FAM168A: variants seen among roughly 807,000 people sequenced by gnomAD.
FAM168A encodes the protein protein FAM168A.
A neutral mutation model predicts 28.5 loss-of-function variants in FAM168A; 3 were observed. The ratio of observed to expected loss-of-function variants is 0.11; its 90% CI spans 0.05 to 0.27. The LOEUF (loss-of-function observed/expected upper bound fraction) is 0.27, where lower values mean the gene tolerates loss of function less well. Ranked by LOEUF, FAM168A falls within the 10% of genes least tolerant of loss-of-function variation. FAM168A has a pLI of 1.00. For synonymous variants in FAM168A, 122 were observed against 124.2 expected, an observed-to-expected ratio of 0.98 and a Z score of 0.12; for missense variants, 222 against 311.5, an observed-to-expected ratio of 0.71 and a Z score of 2.16.
At chr11:73,470,653 C>T (rs1225149376) in intron 1 of FAM168A, among the ~76,000 whole-genome samples, 2 of 152,150 alleles carry the variant, frequency 1.3e-5, no homozygotes, top group Non-Finnish European at 2.9e-5. Flanking sequence ...CATGGGATGA[C>T]ACAGCAAGAA....
intron 1 of FAM168A, among the ~76,000 whole-genome samples, chr11:73,584,298 G>A (rs1008899140): frequency 1.1e-4 from 17 of 151,408 alleles, no homozygotes; most frequent in Admixed American, 8.5e-4. Context: ...TCAGCCTCCC[G>A]AGTAGCTGGG....
chr11:73,481,800 T>C (rs530707794), intron 1 of FAM168A, among the ~76,000 whole-genome samples: 2 of 152,332 alleles, frequency 1.3e-5, no homozygotes, highest in African/African-American at 4.8e-5. Flanking sequence ...CCAAAATTTA[T>C]GTGTTGGAAA....
intron 1 of FAM168A, among the ~76,000 whole-genome samples, chr11:73,566,154 C>T (rs570186835): frequency 1.3e-5 from 2 of 152,270 alleles, no homozygotes; most frequent in East Asian, 1.9e-4. Flanking sequence ...AATAAGTGAG[C>T]TTCAGTGATC....
intron 2 of FAM168A, among the ~76,000 whole-genome samples, chr11:73,432,025 C>A (rs1490230728): frequency 1.3e-5 from 2 of 152,166 alleles, no homozygotes; most frequent in Non-Finnish European, 2.9e-5. Flanking sequence ...GAATCATACA[C>A]CATTTGTCCT....
At chr11:73,476,872 G>A (rs935334093) in intron 1 of FAM168A, among the ~76,000 whole-genome samples, 4 of 151,916 alleles carry the variant, frequency 2.6e-5, no homozygotes, top group African/African-American at 9.7e-5. Context: ...TGAAGACAGA[G>A]CAATAGAAGT....
At chr11:73,458,765 C>A (rs1048898312) in intron 2 of FAM168A, among the ~76,000 whole-genome samples, 5 of 152,118 alleles carry the variant, frequency 3.3e-5, no homozygotes, top group Admixed American at 2.6e-4. Flanking sequence ...TGCCTGCTAC[C>A]ACGCCCGGCT....
chr11:73,447,151 G>A (rs1867332150), intron 2 of FAM168A, among the ~76,000 whole-genome samples: 1 of 152,116 alleles, frequency 6.6e-6, no homozygotes, highest in African/African-American at 2.4e-5. Context: ...TCTCCAAAAT[G>A]TCTTCCTTGA....
intron 1 of FAM168A, among the ~76,000 whole-genome samples, chr11:73,558,860 A>G (rs1221902347): frequency 6.6e-6 from 1 of 152,216 alleles, no homozygotes; most frequent in East Asian, 1.9e-4. Context: ...GAATGTTAAA[A>G]TGGTGCAGCC....
chr11:73,407,378 A>T (rs1176577223), intron 7 of FAM168A, 135 bp downstream of exon 7: 2 of 539,730 alleles, frequency 3.7e-6, no homozygotes, highest in East Asian at 3.5e-5. Flanking sequence ...TGGACCTTGG[A>T]GCAGGAAAGC....
chr11:73,475,304 CA>C (rs147118656), intron 1 of FAM168A, among the ~76,000 whole-genome samples: 2,739 of 152,004 alleles, frequency 0.018, 64 homozygotes, highest in African/African-American at 0.055. Flanking sequence ...GTAAATTTTT[CA>C]AATAATTTTA....
At position 73,430,698 on chromosome 11, in the gene FAM168A, T is replaced by C. The variant is rs1449998135; in HGVS notation, c.143A>G (p.Tyr48Cys). 1 of 1,613,622 alleles carries C rather than the reference T, an allele frequency of 6.2e-7. No individual in the cohort carries two copies. Among genetic ancestry groups the C allele is most frequent in the Admixed American group, 1.7e-5 (1 of 60,006 alleles). ...PSLYPTNSPS[Y>C]APATLLMKQA... ...TCCCATTTCCTCCTTACCTGGAGCA[T>C]AACTGGGACTATTGGTGGGGTACAG... The change falls in exon 3 of 8, where the codon TAT (tyrosine) becomes TGT (cysteine). Residue 48 changes from tyrosine (Y) to cysteine (C), a missense_variant. Transcript: ENST00000356467.
chr11:73,459,548 G>T (rs1867605719), intron 2 of FAM168A, among the ~76,000 whole-genome samples: 2 of 151,812 alleles, frequency 1.3e-5, no homozygotes, highest in Admixed American at 1.3e-4. Context: ...ATGTTGCACA[G>T]GCTGGTCACA....
rs551563971 is a variant in FAM168A, at chr11:73,561,826, T to C, written c.-19+36097A>G. ...GGTAAAAGTGACACTTTAGTCACTT[T>C]GGACAATAAAAATAAATTTTTAGAT... On this transcript the variant is annotated intron_variant, in intron 1 of 7. Transcript: ENST00000356467. Among the ~76,000 whole-genome samples, 105 of 152,344 alleles carry C rather than the reference T, an allele frequency of 6.9e-4. 3 individuals are homozygous for C. In the South Asian group the frequency reaches 0.021, roughly 30 times the overall value.
At chr11:73,549,086 C>T (rs1371420516) in intron 1 of FAM168A, among the ~76,000 whole-genome samples, 1 of 152,152 alleles carries the variant, frequency 6.6e-6, no homozygotes, top group African/African-American at 2.4e-5. Context: ...GGATTACAGG[C>T]ATGCGCCACC....
At chr11:73,489,623 A>C (rs750133485) in intron 1 of FAM168A, among the ~76,000 whole-genome samples, 1 of 149,590 alleles carries the variant, frequency 6.7e-6, no homozygotes, top group Non-Finnish European at 1.5e-5. Context: ...CGATCTTCCC[A>C]TCTCAGCCTC....
At chr11:73,423,426 A>G (rs550860343) in intron 3 of FAM168A, among the ~76,000 whole-genome samples, 18 of 152,276 alleles carry the variant, frequency 1.2e-4, no homozygotes, top group African/African-American at 4.3e-4. Flanking sequence ...GTAGCATTCA[A>G]TGCCCCACCA....
chr11:73,531,963 C>T (rs571659612), intron 1 of FAM168A, among the ~76,000 whole-genome samples: 3 of 150,536 alleles, frequency 2.0e-5, no homozygotes, highest in Admixed American at 1.3e-4. Flanking sequence ...CACCATCATG[C>T]CTGGCTAATT....
intron 1 of FAM168A, among the ~76,000 whole-genome samples, chr11:73,491,231 G>C (rs545972786): frequency 6.6e-6 from 1 of 152,266 alleles, no homozygotes; most frequent in South Asian, 2.1e-4. Flanking sequence ...CATGGAGAGG[G>C]GAAGACCACA....
chr11:73,499,725 G>A (rs1329277051), intron 1 of FAM168A, among the ~76,000 whole-genome samples: 1 of 151,956 alleles, frequency 6.6e-6, no homozygotes, highest in African/African-American at 2.4e-5. Context: ...ACTTCATGAG[G>A]CACACCCAAG....
Sources: allele counts gnomAD v4.1 joint callset (sites outside exome capture counted in the v4.1 genomes callset), GRCh38; gene constraint gnomAD v4.1.1; transcripts MANE v1.5; gene names NCBI Gene and HGNC (gene_info 2026-07-23, HGNC 2026-07-21).